The following ATXN7 variants were observed in gnomAD, a reference collection of about 807,000 sequenced individuals.
ATXN7 encodes the protein ataxin 7.
ATXN7 carries 12 observed loss-of-function variants against 70.5 expected under a neutral mutation model. The ratio of observed to expected loss-of-function variants is 0.17; its 90% CI spans 0.11 to 0.28. The LOEUF (loss-of-function observed/expected upper bound fraction) is 0.28. Ranked by LOEUF, ATXN7 falls within the 10% of genes least tolerant of loss-of-function variation. ATXN7 has a pLI of 1.00. For missense variants in ATXN7, 1,256 were observed against 1,131.7 expected, an observed-to-expected ratio of 1.11 and a Z score of -1.58; for synonymous variants, 498 against 448.7, an observed-to-expected ratio of 1.11 and a Z score of -1.39.
chr3:63,915,483 CT>C lies in ATXN7; in HGVS notation c.394+2259del, dbSNP rs1251046348. Among the ~76,000 whole-genome samples, 17 of 152,318 alleles carry C rather than the reference CT, an allele frequency of 1.1e-4. No individual in the cohort carries two copies. In the South Asian group the frequency reaches 2.9e-3, roughly 26 times the overall value. On this transcript the variant is annotated intron_variant, in intron 4 of 12. Transcript: ENST00000674280. ...TGTTCTCCTAACAGACCATTGTAGG[CT>C]GCTTCAGAAATGAAAATACATTTAA...
At chr3:63,938,329 A>G (rs2074699507) in intron 4 of ATXN7, among the ~76,000 whole-genome samples, 1 of 152,230 alleles carries the variant, frequency 6.6e-6, no homozygotes, top group African/African-American at 2.4e-5. Context: ...ACTAACGATC[A>G]AAACAAACTT....
intron 11 of ATXN7, among the ~76,000 whole-genome samples, chr3:63,993,296 T>C (rs1350910796): frequency 2.7e-5 from 4 of 149,708 alleles, no homozygotes; most frequent in African/African-American, 7.4e-5. Flanking sequence ...TTTTTTTTTT[T>C]TACTTTTTGA....
intron 1 of ATXN7, among the ~76,000 whole-genome samples, chr3:63,867,335 C>T (rs1702463988): frequency 6.6e-6 from 1 of 151,982 alleles, no homozygotes; most frequent in Non-Finnish European, 1.5e-5. Flanking sequence ...TCTTTTCTTT[C>T]TTCTTTTTTC....
At chr3:63,982,623 AGTGTGTGTGTGTGTGTGT>A (rs71099784) in intron 7 of ATXN7, among the ~76,000 whole-genome samples, 178 bp downstream of exon 7, 2 of 143,464 alleles carry the variant, frequency 1.4e-5, no homozygotes, top group African/African-American at 5.2e-5. Context: ...AAAGAGCATG[AGTGTGTGTGTGTGTGTGT>A]GTGTGTGTGT....
At chr3:63,962,226 T>G (rs747149430) in intron 5 of ATXN7, among the ~76,000 whole-genome samples, 2 of 152,176 alleles carry the variant, frequency 1.3e-5, no homozygotes, top group Middle Eastern at 3.2e-3. Context: ...CTTGTGCATT[T>G]GAATGTTAAA....
At chr3:63,888,473 C>T (rs1012680187) in intron 1 of ATXN7, among the ~76,000 whole-genome samples, 11 of 152,192 alleles carry the variant, frequency 7.2e-5, no homozygotes, top group African/African-American at 2.6e-4. Context: ...AGATATAGAA[C>T]TATTCTATCA....
chr3:63,921,625 A>C (rs1332553519), intron 4 of ATXN7, among the ~76,000 whole-genome samples: 2 of 152,148 alleles, frequency 1.3e-5, no homozygotes, highest in African/African-American at 4.8e-5. Flanking sequence ...TGTTATGCAG[A>C]AAAGAGGTTC....
chr3:63,957,994 A>T (rs148144060), intron 5 of ATXN7, among the ~76,000 whole-genome samples: 193 of 152,338 alleles, frequency 1.3e-3, no homozygotes, highest in African/African-American at 4.4e-3. Context: ...ATATTGAGCC[A>T]CTACTGATCA....
At chr3:63,903,306 G>T (rs187867163) in intron 2 of ATXN7, among the ~76,000 whole-genome samples, 1 of 142,234 alleles carries the variant, frequency 7.0e-6, no homozygotes, top group African/African-American at 2.6e-5. Context: ...AGAATGGCGT[G>T]AACTCAGGAG....
At position 63,863,951 on chromosome 3, in the gene ATXN7, G is replaced by GCGCCGCGC. The variant is rs1702317562; in HGVS notation, c.-312_-311insGCCGCCGC. On this transcript the variant is annotated 5_prime_UTR_variant, in exon 1 of 13. The change creates a premature stop within an existing upstream ORF in the 5' untranslated region. Coordinates refer to ENST00000674280, the MANE Select transcript of ATXN7 (RefSeq NM_001377405.1). ...TCCGACGCCTGAGCCGCGCCGCGCC[G>GCGCCGCGC]CGCCGCCGCCGCCGCCGCCGCCGCC... is the stretch of plus-strand genomic sequence containing the variant. The GCGCCGCGC allele has an allele frequency of 7.4e-5, 6 of 81,062 alleles. No individual in the cohort carries two copies. Among genetic ancestry groups the GCGCCGCGC allele is most frequent in the African/African-American group, 2.3e-4 (6 of 25,992 alleles). The allele number at this position is 81,062 out of a possible 1,614,324, so 5.0% of individuals were successfully genotyped here.
chr3:63,968,187 C>G (rs2075257627), intron 5 of ATXN7, among the ~76,000 whole-genome samples: 1 of 152,114 alleles, frequency 6.6e-6, no homozygotes, highest in South Asian at 2.1e-4. Flanking sequence ...AGGGAGGGAG[C>G]CTGCAGAGCT....
At chr3:63,906,182 G>A (rs919402440) in intron 2 of ATXN7, among the ~76,000 whole-genome samples, 1 of 152,214 alleles carries the variant, frequency 6.6e-6, no homozygotes, top group African/African-American at 2.4e-5. Flanking sequence ...GCAAGTTTTT[G>A]TGGAACAGTC....
chr3:63,894,478 A>G (rs1302185074), intron 1 of ATXN7, among the ~76,000 whole-genome samples: 1 of 152,212 alleles, frequency 6.6e-6, no homozygotes, highest in Admixed American at 6.5e-5. Context: ...TAACACTGCC[A>G]ATTCTAGTGC....
chr3:63,912,702 A>AGCAGCC lies in ATXN7; in HGVS notation c.109_110insCGCAGC (p.Gln36_Gln37insProGln), dbSNP rs1420170154. ...GCCGCCCGGCAGCAGCAGCAGCAGC[A>AGCAGCC]GCAGCAGCAGCAGCCGCCGCCTCCG... On this transcript the variant is annotated inframe_insertion, in exon 3 of 13. Coordinates refer to ENST00000674280, the MANE Select transcript of ATXN7 (RefSeq NM_001377405.1). The AGCAGCC allele has an allele frequency of 9.3e-6, 11 of 1,185,208 alleles. No individual in the cohort carries two copies. In the African/African-American group the frequency reaches 9.8e-5, roughly 11 times the overall value. The allele number at this position is 1,185,208 out of a possible 1,614,324, so 73.4% of individuals were successfully genotyped here. A position where few individuals can be genotyped will look rare whatever the true frequency, so the allele number is the denominator to read the frequency against.
intron 12 of ATXN7, chr3:63,998,248 G>T: frequency 1.1e-6 from 1 of 951,104 alleles, no homozygotes; most frequent in Non-Finnish European, 1.2e-6. Context: ...GTGCCTACTA[G>T]AAATTGGGGG....
chr3:63,901,290 T>G (rs1237107854), intron 2 of ATXN7: 1 of 152,224 alleles, frequency 6.6e-6, no homozygotes. Flanking sequence ...ATCTAGTCTC[T>G]TTGCAATTTG....
At chr3:63,996,617 T>TAAAAAAAAAAAAA (rs752406394) in intron 12 of ATXN7, 134 bp downstream of exon 12, 1 of 192,830 alleles carries the variant, frequency 5.2e-6, no homozygotes, top group Non-Finnish European at 9.4e-6. Flanking sequence ...GGTGTCTTCT[T>TAAAAAAAAAAAAA]AAAAAAAAAA....
chr3:63,952,112 G>A (rs147346389), intron 4 of ATXN7, among the ~76,000 whole-genome samples: 157 of 152,242 alleles, frequency 1.0e-3, no homozygotes, highest in African/African-American at 3.6e-3. Flanking sequence ...ATCTAATGTT[G>A]CTTTATTGTG....
chr3:63,968,047 G>A (rs1032541628), intron 5 of ATXN7: 2 of 1,251,892 alleles, frequency 1.6e-6, no homozygotes, highest in African/African-American at 1.5e-5. Flanking sequence ...CCTGTGGACG[G>A]TGGGGTAGGT....
Sources: gnomAD v4.1 joint callset for allele counts (sites outside exome capture counted in the v4.1 genomes callset) on GRCh38, gnomAD v4.1.1 for gene constraint, MANE v1.5 for transcripts, NCBI Gene and HGNC (gene_info 2026-07-23, HGNC 2026-07-21) for gene names.